TSPAN5: variants seen among roughly 807,000 people sequenced by gnomAD.
TSPAN5 encodes the protein tetraspanin 5, also known as tetraspanin-5.
TSPAN5 carries 10 observed loss-of-function variants against 37.1 expected under a neutral mutation model. The observed-to-expected ratio is 0.27, with a 90% CI of 0.17 to 0.46. The LOEUF (loss-of-function observed/expected upper bound fraction) is 0.46, where lower values mean the gene tolerates loss of function less well. Ranked by LOEUF, TSPAN5 falls within the 20% of genes least tolerant of loss-of-function variation. TSPAN5 has a pLI of 1.00. For missense variants in TSPAN5, 195 were observed against 326.6 expected (o/e 0.60, Z 3.11); for synonymous variants, 110 against 118.9 (o/e 0.93, Z 0.48).
In TSPAN5 at chr4:98,486,463, A is replaced by C; in HGVS notation, c.279+275T>G. The C allele has an allele frequency of 7.7e-6, 3 of 390,730 alleles. No homozygotes were observed. The South Asian group carries it at 1.0e-4, about 13-fold the overall frequency. The allele number at this position is 390,730 out of a possible 1,614,324, so 24.2% of individuals were successfully genotyped here. On this transcript the variant is annotated intron_variant, in intron 3 of 7. Transcript: ENST00000305798. ...TATATATATACCTACCTTAGTCCTAAAGATATCTTAGGGAATGGAATCCAA... is the reference window on the plus strand; with the variant it reads ...TATATATATACCTACCTTAGTCCTACAGATATCTTAGGGAATGGAATCCAA...
intron 1 of TSPAN5, among the ~76,000 whole-genome samples, chr4:98,633,002 G>A (rs542443494): frequency 6.6e-6 from 1 of 152,300 alleles, no homozygotes; most frequent in South Asian, 2.1e-4. Flanking sequence ...GAACACGGAA[G>A]GCAGACAGCA....
intron 1 of TSPAN5, among the ~76,000 whole-genome samples, chr4:98,613,243 A>C (rs1756244289): frequency 6.6e-6 from 1 of 152,112 alleles, no homozygotes; most frequent in African/African-American, 2.4e-5. Context: ...TGAAATACCA[A>C]GTAAATCACT....
chr4:98,644,066 C>T (rs1332621368), intron 1 of TSPAN5, among the ~76,000 whole-genome samples: 3 of 152,082 alleles, frequency 2.0e-5, no homozygotes, highest in African/African-American at 7.2e-5. Flanking sequence ...TACAACTCCT[C>T]CCTTTTTAAA....
At chr4:98,481,756 C>T (rs548372606) in intron 4 of TSPAN5, among the ~76,000 whole-genome samples, 1 of 152,326 alleles carries the variant, frequency 6.6e-6, no homozygotes, top group East Asian at 1.9e-4. Flanking sequence ...ACGTTTTGCT[C>T]AAGCATTTTC....
intron 2 of TSPAN5, among the ~76,000 whole-genome samples, chr4:98,497,147 A>G (rs1753229778): frequency 6.6e-6 from 1 of 152,058 alleles, no homozygotes; most frequent in South Asian, 2.1e-4. Context: ...CAACACAGTG[A>G]AACCCCGTCT....
chr4:98,619,746 T>C (rs773215267), intron 1 of TSPAN5, among the ~76,000 whole-genome samples: 1 of 152,154 alleles, frequency 6.6e-6, no homozygotes, highest in Non-Finnish European at 1.5e-5. Context: ...TTATAAACAA[T>C]AGAAATGTAT....
At chr4:98,477,543 T>A (rs968524431) in intron 5 of TSPAN5, among the ~76,000 whole-genome samples, 3 of 152,042 alleles carry the variant, frequency 2.0e-5, no homozygotes, top group Admixed American at 6.6e-5. Context: ...GGGGAGTACA[T>A]CTGGAGACTG....
At chr4:98,651,839 T>C (rs1395249934) in intron 1 of TSPAN5, among the ~76,000 whole-genome samples, 2 of 151,512 alleles carry the variant, frequency 1.3e-5, no homozygotes, top group Non-Finnish European at 2.9e-5. Context: ...TTTCTGATGA[T>C]TTTGTAATTC....
intron 1 of TSPAN5, among the ~76,000 whole-genome samples, chr4:98,617,861 C>T (rs1756375700): frequency 6.6e-6 from 1 of 152,206 alleles, no homozygotes; most frequent in South Asian, 2.1e-4. Flanking sequence ...AAGCCTGTAT[C>T]CATGCCAGTT....
intron 1 of TSPAN5, among the ~76,000 whole-genome samples, chr4:98,602,494 T>G (rs1468053602): frequency 3.9e-5 from 6 of 152,222 alleles, no homozygotes; most frequent in Non-Finnish European, 8.8e-5. Flanking sequence ...TCAAAATTTC[T>G]TTTTGACAAA....
intron 3 of TSPAN5, among the ~76,000 whole-genome samples, chr4:98,486,225 A>G (rs1752955285): frequency 6.6e-6 from 1 of 152,232 alleles, no homozygotes; most frequent in Non-Finnish European, 1.5e-5. Context: ...ACATCTAAAA[A>G]TTACAAAGGA....
At chr4:98,633,232 A>C (rs1408663877) in intron 1 of TSPAN5, among the ~76,000 whole-genome samples, 1 of 152,224 alleles carries the variant, frequency 6.6e-6, no homozygotes, top group East Asian at 1.9e-4. Flanking sequence ...TAATCTCCTT[A>C]GTACAGCATG....
At chr4:98,533,543 CTTTTTTTTTT>C (rs576852948) in intron 1 of TSPAN5, among the ~76,000 whole-genome samples, 1 of 58,582 alleles carries the variant, frequency 1.7e-5, no homozygotes, top group African/African-American at 9.1e-5. Flanking sequence ...TCCCCTATAT[CTTTTTTTTTT>C]TTTTTTTTTT....
chr4:98,644,313 G>T (rs999532304), intron 1 of TSPAN5, among the ~76,000 whole-genome samples: 1 of 151,992 alleles, frequency 6.6e-6, no homozygotes, highest in African/African-American at 2.4e-5. Flanking sequence ...TAAATTCAAG[G>T]CCTCATAGGG....
intron 1 of TSPAN5, among the ~76,000 whole-genome samples, chr4:98,589,713 T>G (rs1755582008): frequency 6.6e-6 from 1 of 152,214 alleles, no homozygotes; most frequent in Non-Finnish European, 1.5e-5. Flanking sequence ...TTTACAAACA[T>G]GATACCATGG....
At chr4:98,590,385 T>C (rs1165155633) in intron 1 of TSPAN5, among the ~76,000 whole-genome samples, 1 of 152,128 alleles carries the variant, frequency 6.6e-6, no homozygotes, top group Non-Finnish European at 1.5e-5. Flanking sequence ...AAAGTGGATA[T>C]TCCCATCTTA....
chr4:98,516,086 C>T (rs761173615), intron 1 of TSPAN5, among the ~76,000 whole-genome samples: 19 of 152,146 alleles, frequency 1.2e-4, no homozygotes, highest in South Asian at 2.1e-4. Flanking sequence ...TTCAGAAGAA[C>T]GTGGGATACA....
intron 1 of TSPAN5, among the ~76,000 whole-genome samples, chr4:98,592,421 G>GTTTTTTTTTTTTTTTTTTTTTTTTT (rs1204813183): frequency 4.2e-5 from 4 of 95,280 alleles, no homozygotes; most frequent in African/African-American, 1.8e-4. Context: ...AGGGATCTCT[G>GTTTTTTTTTTTTTTTTTTTTTTTTT]TTTTTTGTTT....
At chr4:98,527,140 A>G (rs1350849424) in intron 1 of TSPAN5, among the ~76,000 whole-genome samples, 1 of 152,222 alleles carries the variant, frequency 6.6e-6, no homozygotes, top group Non-Finnish European at 1.5e-5. Context: ...TATTACCTCC[A>G]TTATAGAGGA....
Sources: allele counts gnomAD v4.1 joint callset (sites outside exome capture counted in the v4.1 genomes callset), GRCh38; gene constraint gnomAD v4.1.1; transcripts MANE v1.5; gene names NCBI Gene and HGNC (gene_info 2026-07-23, HGNC 2026-07-21).